The following ELAVL2 variants were observed in gnomAD, a reference collection of about 807,000 sequenced individuals.
ELAVL2 encodes the protein ELAV-like protein 2.
ELAVL2 carries 4 observed loss-of-function variants against 34.6 expected under a neutral mutation model. That is an observed-to-expected ratio of 0.12 (90% CI 0.06 to 0.26). ELAVL2 has a LOEUF of 0.26. Among genes scored for constraint, ELAVL2 ranks in the 10% least tolerant of loss-of-function variants. The pLI, the probability that ELAVL2 is intolerant of heterozygous loss-of-function variation, is 1.00. For missense variants in ELAVL2, 432 were observed against 442.8 expected, an observed-to-expected ratio of 0.98 and a Z score of 0.22; for synonymous variants, 193 against 154.8, an observed-to-expected ratio of 1.25 and a Z score of -1.83.
At chr9:23,849,955 A>C in the ELAVL2 span, 1 of 152,144 alleles carries the variant, frequency 6.6e-6, no homozygotes, top group Non-Finnish European at 1.5e-5. Context: ...TTAAATTTTC[A>C]AAACTGCTTG....
intron 2 of ELAVL2, among the ~76,000 whole-genome samples, chr9:23,748,204 G>T (rs981469870): frequency 4.0e-5 from 6 of 150,960 alleles, no homozygotes; most frequent in Non-Finnish European, 5.9e-5. Flanking sequence ...GGAAGGGGGA[G>T]AAAAAAATGG....
At chr9:23,834,593 T>C in the ELAVL2 span, among the ~76,000 whole-genome samples, 12 of 152,178 alleles carry the variant, frequency 7.9e-5, no homozygotes, top group African/African-American at 2.9e-4. Flanking sequence ...ACAAAAATGG[T>C]AACCTATCAC....
chr9:23,830,191 G>C (rs1039794937), upstream of ELAVL2: 3 of 152,294 alleles, frequency 2.0e-5, no homozygotes, highest in African/African-American at 7.2e-5. Flanking sequence ...AAAAATGCCT[G>C]CCTGCTCACC....
the ELAVL2 span, among the ~76,000 whole-genome samples, chr9:23,850,548 C>A: frequency 6.6e-6 from 1 of 151,972 alleles, no homozygotes; most frequent in Non-Finnish European, 1.5e-5. Context: ...CAGCCGAGAG[C>A]CCCAGGAGCA....
At chr9:23,769,746 T>C (rs764717653) in intron 1 of ELAVL2, among the ~76,000 whole-genome samples, 3 of 152,336 alleles carry the variant, frequency 2.0e-5, no homozygotes, top group Non-Finnish European at 4.4e-5. Flanking sequence ...ACTGAACAGC[T>C]GCACGCGTCA....
chr9:23,752,996 CA>C (rs1190559872), intron 2 of ELAVL2, among the ~76,000 whole-genome samples: 1 of 152,102 alleles, frequency 6.6e-6, no homozygotes, highest in Non-Finnish European at 1.5e-5. Context: ...TACAGCCCCT[CA>C]AAAAATATTT....
intron 4 of ELAVL2, among the ~76,000 whole-genome samples, chr9:23,703,641 A>G (rs769383812): frequency 6.6e-5 from 10 of 152,190 alleles, no homozygotes; most frequent in South Asian, 2.1e-4. Flanking sequence ...ATGGATCTTC[A>G]CTTGATGAAT....
chr9:23,839,690 G>T, the ELAVL2 span, among the ~76,000 whole-genome samples: 2 of 152,052 alleles, frequency 1.3e-5, no homozygotes, highest in Non-Finnish European at 2.9e-5. Flanking sequence ...TCTCATATCT[G>T]AATCATTTTT....
chr9:23,837,123 A>C, the ELAVL2 span, among the ~76,000 whole-genome samples: 1 of 152,292 alleles, frequency 6.6e-6, no homozygotes, highest in Non-Finnish European at 1.5e-5. Context: ...TATTTCCATC[A>C]GCACTGGGAA....
chr9:23,719,262 C>A (rs1483279166), intron 3 of ELAVL2, among the ~76,000 whole-genome samples: 1 of 152,174 alleles, frequency 6.6e-6, no homozygotes, highest in African/African-American at 2.4e-5. Context: ...ATCAATAACA[C>A]TCACTGGCTG....
intron 2 of ELAVL2, among the ~76,000 whole-genome samples, chr9:23,737,000 C>G (rs955421340): frequency 2.0e-5 from 3 of 152,128 alleles, no homozygotes; most frequent in Non-Finnish European, 4.4e-5. Flanking sequence ...TCATTTCCTG[C>G]CACAACTTGC....
intron 1 of ELAVL2, among the ~76,000 whole-genome samples, chr9:23,802,225 G>T (rs16907780): frequency 2.6e-5 from 4 of 152,118 alleles, no homozygotes; most frequent in African/African-American, 9.7e-5. Context: ...CGTGCTCCAA[G>T]TATGTTGTAT....
chr9:23,747,060 T>C (rs1269866477), intron 2 of ELAVL2, among the ~76,000 whole-genome samples: 1 of 152,064 alleles, frequency 6.6e-6, no homozygotes, highest in Non-Finnish European at 1.5e-5. Context: ...ACTAGCCGAG[T>C]ACAGTAGTCC....
At chr9:23,825,122 G>A (rs2138684270) in intron 1 of ELAVL2, among the ~76,000 whole-genome samples, 1 of 152,254 alleles carries the variant, frequency 6.6e-6, no homozygotes. Flanking sequence ...CCCCAAATTG[G>A]CTATCTTCTT....
At position 23,703,097 on chromosome 9, in the gene ELAVL2, A is replaced by G. The variant is rs552398047; in HGVS notation, c.488-1493T>C. On this transcript the variant is annotated intron_variant, in intron 4 of 6. Transcript: ENST00000397312. Reference sequence around the variant, plus strand: ...TTCAGTAGGTTCTGAATGAAGCCCAATAATTTGCATTTTTAGCAGGGTTCC... The same window carrying G: ...TTCAGTAGGTTCTGAATGAAGCCCAGTAATTTGCATTTTTAGCAGGGTTCC... Among the ~76,000 whole-genome samples the G allele has an allele frequency of 1.4e-4, 21 of 152,150 alleles. No homozygotes were observed. The South Asian group carries it at 2.5e-3, about 18-fold the overall frequency.
At chr9:23,831,780 G>A in the ELAVL2 span, among the ~76,000 whole-genome samples, 1 of 151,006 alleles carries the variant, frequency 6.6e-6, no homozygotes, top group Non-Finnish European at 1.5e-5. Flanking sequence ...GGCAGAGGGG[G>A]CGCCTGGAAT....
intron 1 of ELAVL2, among the ~76,000 whole-genome samples, chr9:23,817,761 T>C (rs1019919292): frequency 5.3e-5 from 8 of 152,212 alleles, no homozygotes; most frequent in Non-Finnish European, 5.9e-5. Flanking sequence ...GCCAAATCTG[T>C]TAAATTTACT....
chr9:23,753,687 T>C lies in ELAVL2; in HGVS notation c.229+8319A>G, dbSNP rs1175529317. Among the ~76,000 whole-genome samples, 5 of 152,244 alleles carry C rather than the reference T, an allele frequency of 3.3e-5. No individual in the cohort carries two copies. The East Asian group carries it at 9.7e-4, about 29-fold the overall frequency. ...AGTTCACCATCTTCCTCATCGACATTTTCCATCATTCCTACGACAAGCGCT... is the reference window on the plus strand; with the variant it reads ...AGTTCACCATCTTCCTCATCGACATCTTCCATCATTCCTACGACAAGCGCT... On this transcript the variant is annotated intron_variant, in intron 2 of 6. Transcript: ENST00000397312.
chr9:23,751,056 C>A (rs2051860259), intron 2 of ELAVL2, among the ~76,000 whole-genome samples: 1 of 152,014 alleles, frequency 6.6e-6, no homozygotes, highest in Non-Finnish European at 1.5e-5. Context: ...AGGGCCCCAT[C>A]AGATCTACTC....
Sources: allele counts gnomAD v4.1 joint callset (sites outside exome capture counted in the v4.1 genomes callset), GRCh38; gene constraint gnomAD v4.1.1; transcripts MANE v1.5; gene names NCBI Gene and HGNC (gene_info 2026-07-23, HGNC 2026-07-21).